Variants in PACRG observed in about 807,000 individuals in gnomAD.
The protein encoded by PACRG is parkin coregulated gene protein.
Under a neutral mutation model 29.7 loss-of-function variants are expected in PACRG, and 29 were observed. The ratio of observed to expected loss-of-function variants is 0.98; its 90% CI spans 0.73 to 1.33. The LOEUF (loss-of-function observed/expected upper bound fraction) is 1.33. PACRG is among the 40% of genes most tolerant of loss of function. PACRG has a pLI of 0.00. For synonymous variants in PACRG, 116 were observed against 118.7 expected (o/e 0.98, Z 0.15); for missense variants, 279 against 316.2 (o/e 0.88, Z 0.89).
rs935964193 is a variant in PACRG, at chr6:162,995,003, T to G, written c.292-67147T>G. Among the ~76,000 whole-genome samples, 8 of 150,736 alleles carry G rather than the reference T, an allele frequency of 5.3e-5. 1 individual carries two copies. The highest frequency in any genetic ancestry group is 1.7e-4 in the African/African-American group (7 of 40,208). On this transcript the variant is annotated intron_variant, in intron 2 of 4. Transcript: ENST00000366888. ...AGGTCTGTTGGAATACCCTGCCGAG[T>G]GAGGTGTCAGTGTGCCCCTGCTGGG...
intron 2 of PACRG, among the ~76,000 whole-genome samples, chr6:163,004,631 G>A (rs1367041509): frequency 6.6e-6 from 1 of 151,424 alleles, no homozygotes; most frequent in Admixed American, 6.6e-5. Flanking sequence ...GGGACTATGA[G>A]CATTACAATT....
Position 163,104,789 on chromosome 6 carries a change from C to A in PACRG, c.613+15381C>A, listed in dbSNP as rs544850040. Reference sequence around the variant, plus strand: ...TTGCTAACAAATCACATAGTTCTCCCAACAATTCTCCCAAATATAATAGGT... The same window carrying A: ...TTGCTAACAAATCACATAGTTCTCCAAACAATTCTCCCAAATATAATAGGT... On this transcript the variant is annotated intron_variant, in intron 4 of 4. Transcript: ENST00000366888. 3.3e-4 allele frequency among the ~76,000 whole-genome samples: 50 copies of A among 152,130 alleles called. 1 individual carries two copies. The highest frequency in any genetic ancestry group is 6.9e-4 in the Non-Finnish European group (47 of 68,024).
chr6:163,221,772 T>C (rs1200473038), intron 4 of PACRG, among the ~76,000 whole-genome samples: 1 of 152,168 alleles, frequency 6.6e-6, no homozygotes, highest in Non-Finnish European at 1.5e-5. Flanking sequence ...CAAAGCTCAA[T>C]GTCATTCGCT....
intron 2 of PACRG, among the ~76,000 whole-genome samples, chr6:163,057,687 T>G (rs917071301): frequency 6.6e-6 from 1 of 152,206 alleles, no homozygotes; most frequent in Non-Finnish European, 1.5e-5. Context: ...GGATTCTGCT[T>G]TTTAAAAGCC....
chr6:163,205,561 C>T (rs1780869159), intron 4 of PACRG, among the ~76,000 whole-genome samples: 1 of 152,146 alleles, frequency 6.6e-6, no homozygotes, highest in Non-Finnish European at 1.5e-5. Context: ...AAAATCAACT[C>T]AAGATGGATA....
chr6:162,831,371 C>T (rs996806393), intron 2 of PACRG, among the ~76,000 whole-genome samples: 1 of 152,182 alleles, frequency 6.6e-6, no homozygotes, highest in Admixed American at 6.5e-5. Context: ...TGATTAGATG[C>T]TGTACATACA....
chr6:163,142,385 TGAAA>T (rs1286747478), intron 4 of PACRG, among the ~76,000 whole-genome samples: 1 of 152,104 alleles, frequency 6.6e-6, no homozygotes, highest in East Asian at 1.9e-4. Context: ...GGAATTCAGT[TGAAA>T]GAAATAATTT....
At chr6:163,231,617 T>C (rs528760398) in intron 4 of PACRG, among the ~76,000 whole-genome samples, 2 of 152,270 alleles carry the variant, frequency 1.3e-5, no homozygotes, top group East Asian at 3.9e-4. Context: ...TGACTTCACA[T>C]AGGGTGGCTT....
intron 2 of PACRG, among the ~76,000 whole-genome samples, chr6:162,934,313 G>T (rs1798085687): frequency 6.6e-6 from 1 of 152,038 alleles, no homozygotes; most frequent in Non-Finnish European, 1.5e-5. Context: ...CACTTCCCTG[G>T]TTGGGAGGGC....
intron 2 of PACRG, among the ~76,000 whole-genome samples, chr6:162,943,489 C>T (rs1177957188): frequency 6.6e-6 from 1 of 152,128 alleles, no homozygotes; most frequent in Non-Finnish European, 1.5e-5. Context: ...TGGCTGCTGC[C>T]ACTGAAAAAG....
At chr6:163,074,086 A>T (rs560658953) in intron 3 of PACRG, among the ~76,000 whole-genome samples, 1 of 152,352 alleles carries the variant, frequency 6.6e-6, no homozygotes, top group East Asian at 1.9e-4. Context: ...ACTCAAAAGA[A>T]AGGAAATCAG....
intron 1 of PACRG, among the ~76,000 whole-genome samples, chr6:162,776,919 T>C (rs1174428825): frequency 2.0e-5 from 3 of 152,096 alleles, no homozygotes; most frequent in African/African-American, 7.2e-5. Flanking sequence ...AATGATACGT[T>C]GGACTTTGGG....
chr6:163,102,978 A>G (rs1056381926), intron 4 of PACRG, among the ~76,000 whole-genome samples: 3 of 152,342 alleles, frequency 2.0e-5, no homozygotes, highest in Non-Finnish European at 2.9e-5. Context: ...CAGCTCAGCA[A>G]TTGTTCTTAG....
chr6:162,989,054 G>A (rs1473949190), intron 2 of PACRG, among the ~76,000 whole-genome samples: 2 of 152,108 alleles, frequency 1.3e-5, no homozygotes, highest in African/African-American at 4.8e-5. Context: ...GAATAGACAC[G>A]TCCAGTGCTA....
At chr6:163,081,353 G>C (rs917095922) in intron 3 of PACRG, among the ~76,000 whole-genome samples, 4 of 152,170 alleles carry the variant, frequency 2.6e-5, no homozygotes, top group Admixed American at 6.5e-5. Flanking sequence ...GGCATGGGGA[G>C]TCTTTGCTTA....
intron 2 of PACRG, among the ~76,000 whole-genome samples, chr6:162,817,261 G>A (rs1245734417): frequency 6.6e-6 from 1 of 152,198 alleles, no homozygotes; most frequent in Non-Finnish European, 1.5e-5. Context: ...TAGCTGACCT[G>A]ATCTTCACCA....
intron 2 of PACRG, among the ~76,000 whole-genome samples, chr6:162,959,628 T>A (rs1800442933): frequency 6.6e-6 from 1 of 152,132 alleles, no homozygotes; most frequent in African/African-American, 2.4e-5. Context: ...TGATCTGACT[T>A]ACATTTTTGA....
At chr6:162,954,089 A>G (rs1229957624) in intron 2 of PACRG, among the ~76,000 whole-genome samples, 3 of 152,154 alleles carry the variant, frequency 2.0e-5, no homozygotes, top group Admixed American at 6.5e-5. Context: ...TTGCCTGTGG[A>G]TAGGCTTATT....
intron 4 of PACRG, among the ~76,000 whole-genome samples, chr6:163,254,742 G>A (rs1329327467): frequency 6.6e-6 from 1 of 152,198 alleles, no homozygotes; most frequent in African/African-American, 2.4e-5. Context: ...TGCCCAGAAG[G>A]TGCCCCCTCC....
Sources: gnomAD v4.1 joint callset for allele counts (sites outside exome capture counted in the v4.1 genomes callset) on GRCh38, gnomAD v4.1.1 for gene constraint, MANE v1.5 for transcripts, NCBI Gene and HGNC (gene_info 2026-07-23, HGNC 2026-07-21) for gene names.